Variants in TECTB observed in about 807,000 individuals in gnomAD.
TECTB encodes beta-tectorin.
A neutral mutation model predicts 43.3 loss-of-function variants in TECTB; 45 were observed. The ratio of observed to expected loss-of-function variants is 1.04; its 90% CI spans 0.82 to 1.33. The LOEUF (loss-of-function observed/expected upper bound fraction) is 1.33. TECTB is among the 40% of genes most tolerant of loss of function. TECTB has a pLI of 0.00. For synonymous variants in TECTB, 169 were observed against 156.7 expected (o/e 1.08, Z -0.59); for missense variants, 399 against 404.7 (o/e 0.99, Z 0.12).
intron 9 of TECTB, among the ~76,000 whole-genome samples, chr10:112,301,445 G>T (rs1286883428): frequency 6.6e-6 from 1 of 151,808 alleles, no homozygotes; most frequent in African/African-American, 2.4e-5. Flanking sequence ...TCAAATTTCA[G>T]TGCCTTTAAA....
At chr10:112,289,211 G>A (rs1848478437) in intron 5 of TECTB, among the ~76,000 whole-genome samples, 1 of 152,184 alleles carries the variant, frequency 6.6e-6, no homozygotes, top group Non-Finnish European at 1.5e-5. Flanking sequence ...TATTTAAAGT[G>A]GAAACTCTGA....
At chr10:112,302,255 A>C in intron 10 of TECTB, 122 bp downstream of exon 10, 1 of 1,240,428 alleles carries the variant, frequency 8.1e-7, no homozygotes, top group Non-Finnish European at 1.2e-6. Flanking sequence ...TTATACTTTA[A>C]AGCACACCTG....
chr10:112,301,244 A>C (rs1040554548), intron 9 of TECTB, among the ~76,000 whole-genome samples: 4 of 152,000 alleles, frequency 2.6e-5, no homozygotes, highest in African/African-American at 9.7e-5. Context: ...CCCTGTCCCT[A>C]CTAGAATACA....
chr10:112,284,251 C>T (rs1303287055), intron 2 of TECTB, among the ~76,000 whole-genome samples: 1 of 152,088 alleles, frequency 6.6e-6, no homozygotes, highest in East Asian at 1.9e-4. Context: ...CTAATACATC[C>T]TACCTGTGGT....
chr10:112,288,331 T>C (rs187516003), intron 5 of TECTB, among the ~76,000 whole-genome samples: 1 of 152,004 alleles, frequency 6.6e-6, no homozygotes, highest in Non-Finnish European at 1.5e-5. Context: ...AATGAGCTTA[T>C]TTTCTTAAAA....
intron 8 of TECTB, 83 bp from the exon 9 acceptor site, chr10:112,299,409 C>T (rs918534554): frequency 1.3e-5 from 18 of 1,367,466 alleles, no homozygotes; most frequent in Non-Finnish European, 1.8e-5. Context: ...TTTAAAATAT[C>T]TTTTCTTTCT....
At chr10:112,287,715 C>A (rs748037129) in intron 5 of TECTB, among the ~76,000 whole-genome samples, 5 of 152,152 alleles carry the variant, frequency 3.3e-5, no homozygotes, top group Non-Finnish European at 7.4e-5. Context: ...AGCCTGAGAG[C>A]CCACAGGTAG....
chr10:112,290,541 G>T (rs762352120), intron 5 of TECTB, among the ~76,000 whole-genome samples: 26 of 152,292 alleles, frequency 1.7e-4, no homozygotes, highest in Non-Finnish European at 2.8e-4. Context: ...ATGAGGAGAG[G>T]TATTATTCCA....
At chr10:112,294,232 T>C (rs1246320845) in intron 7 of TECTB, among the ~76,000 whole-genome samples, 171 bp downstream of exon 7, 1 of 152,178 alleles carries the variant, frequency 6.6e-6, no homozygotes, top group East Asian at 1.9e-4. Context: ...CAGGACATAG[T>C]GCATTCTAGG....
At chr10:112,286,517 A>G (rs12220694) in intron 5 of TECTB, 126 bp downstream of exon 5, 82,415 of 1,040,216 alleles carry the variant, frequency 0.079, 4,930 homozygotes, top group East Asian at 0.27. Flanking sequence ...ATTCAAGTTG[A>G]AACATGAACT....
At position 112,293,936 on chromosome 10, in the gene TECTB, G is replaced by A. The variant is rs149239522; in HGVS notation, c.588-42G>A. Reference sequence around the variant, plus strand: ...AATCATCAGATGTTTGTAGGCATAAGATTCTCTGTTTCAAAGTGATGCCAT... The same window carrying A: ...AATCATCAGATGTTTGTAGGCATAAAATTCTCTGTTTCAAAGTGATGCCAT... On this transcript the variant is annotated intron_variant, in intron 6 of 10. Transcript: ENST00000646139. 7.0e-4 allele frequency: 1,121 copies of A among 1,610,532 alleles called. 2 individuals are homozygous for A. The highest frequency in any genetic ancestry group is 8.6e-4 in the Non-Finnish European group (1,013 of 1,176,752).
In TECTB at chr10:112,303,610, A is replaced by C. The variant is rs1017659426; in HGVS notation, c.*298A>C. The stretch of plus-strand genomic sequence containing the variant: ...GCTGCAGTAAATTCCTTTGAAAGCT[A>C]TTTTAACTTTAAAAGGTTAGCAGAC... On this transcript the variant is annotated 3_prime_UTR_variant, in exon 11 of 11. Transcript: ENST00000646139. The C allele has an allele frequency of 4.9e-6, 2 of 409,488 alleles. No individual in the cohort carries two copies. The highest frequency in any genetic ancestry group is 8.9e-6 in the Non-Finnish European group (2 of 225,886). The allele number at this position is 409,488 out of a possible 1,614,324, so 25.4% of individuals were successfully genotyped here.
chr10:112,299,863 G>C (rs1848582776), intron 9 of TECTB, among the ~76,000 whole-genome samples: 1 of 151,904 alleles, frequency 6.6e-6, no homozygotes, highest in Non-Finnish European at 1.5e-5. Flanking sequence ...AATAATAATA[G>C]AAAATGAGAT....
intron 10 of TECTB, chr10:112,302,895 A>G: frequency 4.0e-6 from 1 of 250,468 alleles, no homozygotes; most frequent in Admixed American, 4.7e-5. Flanking sequence ...GAGATGGGGT[A>G]AGACAGTTCA....
intron 3 of TECTB, among the ~76,000 whole-genome samples, chr10:112,284,968 C>T (rs997521230): frequency 2.0e-5 from 3 of 152,194 alleles, no homozygotes; most frequent in African/African-American, 4.8e-5. Context: ...AGTGAAGCTA[C>T]CTTCTAGTAG....
At chr10:112,285,703 T>C (rs976663871) in intron 3 of TECTB, among the ~76,000 whole-genome samples, 4 of 152,054 alleles carry the variant, frequency 2.6e-5, no homozygotes, top group South Asian at 2.1e-4. Context: ...ACTCTAGAAA[T>C]TGGAGATGGG....
At position 112,302,563 on chromosome 10, in the gene TECTB, T is replaced by C. The variant is rs535823347; in HGVS notation, c.940+430T>C. ...CCATACCCTAGTTTCCTCTGTGAAATTGGGCTAATAATTGCCCCTATCTAC... is the reference window on the plus strand; with the variant it reads ...CCATACCCTAGTTTCCTCTGTGAAACTGGGCTAATAATTGCCCCTATCTAC... On this transcript the variant is annotated intron_variant, in intron 10 of 10. Transcript: ENST00000646139. 5.9e-5 allele frequency: 23 copies of C among 390,498 alleles called. No individual in the cohort carries two copies. In the South Asian group the frequency reaches 9.5e-4, roughly 16 times the overall value. 24.2% of individuals were successfully genotyped at this position (390,498 alleles called of 1,614,324 possible).
chr10:112,298,177 G>A lies in TECTB; in HGVS notation c.780G>A (p.Val260=), dbSNP rs1848565518. The A allele has an allele frequency of 1.9e-6, 3 of 1,614,104 alleles. No individual in the cohort carries two copies. The highest frequency in any genetic ancestry group is 2.5e-6 in the Non-Finnish European group (3 of 1,180,052). Residue 260 remains valine, a synonymous_variant, in exon 8 of 11, where the codon GTG becomes GTA. Coordinates refer to ENST00000646139, the MANE Select transcript of TECTB (RefSeq NM_058222.3). ...RFQNIPKLSK[V]WLHCETFICD... is the part of the protein sequence containing the mutation. Reference sequence around the variant, plus strand: ...AGAACATCCCCAAACTCTCCAAGGTGTGGTTACACTGTGAGACGTTCATCT... The same window carrying A: ...AGAACATCCCCAAACTCTCCAAGGTATGGTTACACTGTGAGACGTTCATCT...
intron 5 of TECTB, among the ~76,000 whole-genome samples, chr10:112,292,263 A>G (rs1848505661): frequency 6.6e-6 from 1 of 152,196 alleles, no homozygotes; most frequent in Non-Finnish European, 1.5e-5. Flanking sequence ...AAACAGAAAC[A>G]CTGCTGTTAT....
Sources: gnomAD v4.1 joint callset for allele counts (sites outside exome capture counted in the v4.1 genomes callset) on GRCh38, gnomAD v4.1.1 for gene constraint, MANE v1.5 for transcripts, NCBI Gene and HGNC (gene_info 2026-07-23, HGNC 2026-07-21) for gene names.